The following EPPK1 variants were observed in gnomAD, a reference collection of about 807,000 sequenced individuals.
EPPK1 encodes the protein epiplakin 1, also known as epiplakin.
For synonymous variants in EPPK1, 1,862 were observed against 1,721.2 expected (o/e 1.08, Z -2.03); for missense variants, 3,823 against 3,673.3 (o/e 1.04, Z -1.05).
rs1819081120 is a variant in EPPK1, at chr8:143,865,357, C to CG, written c.7896dup (p.Ala2633ArgfsTer10). 2 of 8,998 alleles carry CG rather than the reference C, an allele frequency of 2.2e-4. No homozygotes were observed. Among genetic ancestry groups the CG allele is most frequent in the Non-Finnish European group, 3.2e-4 (2 of 6,328 alleles). The allele number at this position is 8,998 out of a possible 1,614,324, so 0.6% of individuals were successfully genotyped here. ...CGCAGGGTCTGCTCCTGGCGGCGGGCGGCGGCGGCGGCGGCGGCGGCGGCG... is the reference window on the plus strand; with the variant it reads ...CGCAGGGTCTGCTCCTGGCGGCGGGCGGGCGGCGGCGGCGGCGGCGGCGGCG... On this transcript the variant is annotated frameshift_variant, in exon 2 of 2. Transcript: ENST00000615648. LOFTEE classifies it low-confidence loss of function (END_TRUNC).
rs1554659311 is a variant in EPPK1 at position 143,867,092 on chromosome 8, A to T, written c.6162T>A (p.Phe2054Leu). Residue 2054 changes from phenylalanine to leucine, a missense_variant, in exon 2 of 2, where the codon TTT becomes TTA. Physicochemically the swap from Phe to Leu is conservative, Grantham distance 22 (BLOSUM62 0). Coordinates refer to ENST00000615648, the MANE Select transcript of EPPK1 (RefSeq NM_031308.4). Reference sequence around the variant, plus strand: ...CCTTCTCTTGCGTGTTCGGGTCCACAAACCGTTTCCTCATGTGCTTCTGGT... The same window carrying T: ...CCTTCTCTTGCGTGTTCGGGTCCACTAACCGTTTCCTCATGTGCTTCTGGT... ...ISDQKHMRKR[F>L]VDPNTQEKVS... 3 of 1,612,886 alleles carry T rather than the reference A, an allele frequency of 1.9e-6. No individual in the cohort carries two copies. Among genetic ancestry groups the T allele is most frequent in the Admixed American group, 1.7e-5 (1 of 60,020 alleles).
At position 143,865,425 on chromosome 8, in the gene EPPK1, C is replaced by T. The variant is rs1296337559; in HGVS notation, c.7829G>A (p.Arg2610His). The T allele has an allele frequency of 3.2e-5, 8 of 253,004 alleles. No individual in the cohort carries two copies. The highest frequency in any genetic ancestry group is 2.9e-4 in the South Asian group (2 of 6,918). 15.7% of individuals were successfully genotyped at this position (253,004 alleles called of 1,614,324 possible). A position where few individuals can be genotyped will look rare whatever the true frequency, so the allele number is the denominator to read the frequency against. Residue 2610 changes from arginine (R) to histidine (H), a missense_variant, in exon 2 of 2, where the codon CGC (arginine) becomes CAC (histidine). Physicochemically the swap from Arg to His is conservative, Grantham distance 29. Transcript: ENST00000615648. Reference sequence around the variant, plus strand: ...CTCCCCCTGGCCCTCTCGCTGGGAGCGCCCCGAGTCGCCGTCCCCTCGCCC... The same window carrying T: ...CTCCCCCTGGCCCTCTCGCTGGGAGTGCCCCGAGTCGCCGTCCCCTCGCCC... ...PAGRGDGDSGRSQREGQGEGE... is the reference protein window; with the variant it reads ...PAGRGDGDSGHSQREGQGEGE...
intron 1 of EPPK1, among the ~76,000 whole-genome samples, chr8:143,878,035 C>T (rs1021193804): frequency 6.6e-6 from 1 of 152,144 alleles, no homozygotes; most frequent in African/African-American, 2.4e-5. Context: ...GCCTAGCTGC[C>T]TCCTGGCCTG....
rs1168510808 is a variant in EPPK1 at position 143,863,770 on chromosome 8, C to T, written c.9484G>A (p.Ala3162Thr). ...GTCTGCTCCTGGCGGCGGGCGGCGG[C>T]GGCGGCCTCCTGGGTCTCGCCCTCC... ...QGEGETQEAA[A>T]AARRQEQTLR... is the part of the protein sequence containing the mutation. The change falls in exon 2 of 2, where the codon GCC becomes ACC. Residue 3162 changes from alanine (A) to threonine (T), a missense_variant. By Grantham distance (58) the Ala-to-Thr change is moderately conservative. Coordinates refer to ENST00000615648, the MANE Select transcript of EPPK1 (RefSeq NM_031308.4). The T allele has an allele frequency of 2.2e-5, 6 of 272,562 alleles. 2 individuals are homozygous for T. Among genetic ancestry groups the T allele is most frequent in the East Asian group, 4.3e-5 (1 of 23,156 alleles). 16.9% of individuals were successfully genotyped at this position (272,562 alleles called of 1,614,324 possible).
Position 143,867,300 on chromosome 8 carries a change from T to C in EPPK1, c.5954A>G (p.Asp1985Gly). Residue 1985 changes from aspartate to glycine, a missense_variant, in exon 2 of 2, where the codon GAC becomes GGC. Coordinates refer to ENST00000615648, the MANE Select transcript of EPPK1 (RefSeq NM_031308.4). ...ATGYRDPATG[D>G]TIPLFQAMQK... Reference sequence around the variant, plus strand: ...CATGGCCTGGAACAGCGGGATCGTGTCTCCTGTGGCCGGATCCCTGTAGCC... The same window carrying C: ...CATGGCCTGGAACAGCGGGATCGTGCCTCCTGTGGCCGGATCCCTGTAGCC... 1 of 1,612,476 alleles carries C rather than the reference T, an allele frequency of 6.2e-7. No homozygotes were observed. The highest frequency in any genetic ancestry group is 8.5e-7 in the Non-Finnish European group (1 of 1,179,686).
rs192221639 is a variant in EPPK1, at chr8:143,873,389, C to T, written c.-45-91G>A. The T allele has an allele frequency of 3.3e-5, 31 of 947,934 alleles. No individual in the cohort carries two copies. In the East Asian group the frequency reaches 8.3e-4, roughly 25 times the overall value. The allele number at this position is 947,934 out of a possible 1,614,324, so 58.7% of individuals were successfully genotyped here. A position where few individuals can be genotyped will look rare whatever the true frequency, so the allele number is the denominator to read the frequency against. ...GTCATGGGGCAATCCCATGCTGTCC[C>T]GGGCTGGGCTCCACCCACAGACGTG... is the stretch of plus-strand genomic sequence containing the variant. On this transcript the variant is annotated intron_variant, in intron 1 of 1. Transcript: ENST00000615648.
At chr8:143,875,829 G>C (rs1819466874) in intron 1 of EPPK1, among the ~76,000 whole-genome samples, 1 of 152,202 alleles carries the variant, frequency 6.6e-6, no homozygotes, top group African/African-American at 2.4e-5. Flanking sequence ...TTGCAGGCTA[G>C]GGCACCATTC....
chr8:143,872,124 A>G lies in EPPK1; in HGVS notation c.1130T>C (p.Leu377Pro). The G allele has an allele frequency of 6.4e-7, 1 of 1,565,780 alleles. No individual in the cohort carries two copies. Reference sequence around the variant, plus strand: ...TAGCCCCTTCTTCATGGCCTGGAAAAGGGGGATTTGGGAGCCACTGAAGGG... The same window carrying G: ...TAGCCCCTTCTTCATGGCCTGGAAAGGGGGGATTTGGGAGCCACTGAAGGG... ...HDPFSGSQIPLFQAMKKGLVD... is the reference protein window; with the variant it reads ...HDPFSGSQIPPFQAMKKGLVD... The change falls in exon 2 of 2, where the codon CTT (leucine) becomes CCT (proline). Residue 377 changes from leucine to proline, a missense_variant. Physicochemically the swap from Leu to Pro is moderately conservative, Grantham distance 98. Coordinates refer to ENST00000615648, the MANE Select transcript of EPPK1 (RefSeq NM_031308.4).
In EPPK1 at chr8:143,857,916, A is replaced by C. The variant is rs1027726876; in HGVS notation, c.*71T>G. The C allele has an allele frequency of 1.8e-4, 148 of 821,408 alleles. No homozygotes were observed. The highest frequency in any genetic ancestry group is 1.5e-4 in the Admixed American group (4 of 26,940). The allele number at this position is 821,408 out of a possible 1,614,324, so 50.9% of individuals were successfully genotyped here. On this transcript the variant is annotated 3_prime_UTR_variant, in exon 2 of 2. Coordinates refer to ENST00000615648, the MANE Select transcript of EPPK1 (RefSeq NM_031308.4). ...AATGACAAAAAAAAAAAAAAAAAAA[A>C]AAACAACCCAGACACACAAGTATGC...
At chr8:143,876,627 T>C (rs1297198438) in intron 1 of EPPK1, among the ~76,000 whole-genome samples, 1 of 152,244 alleles carries the variant, frequency 6.6e-6, no homozygotes, top group Admixed American at 6.5e-5. Flanking sequence ...GGCGCTTTTG[T>C]GTCCACCTCT....
Position 143,871,972 on chromosome 8 carries a change from T to A in EPPK1, c.1282A>T (p.Thr428Ser). 1 of 1,596,348 alleles carries A rather than the reference T, an allele frequency of 6.3e-7. No individual in the cohort carries two copies. ...CCAGCCTGCGAGAGCTGCCGCTGAG[T>A]GTCTTCATCCAGGCAGCCGCAGCGC... ...ALRCGCLDED[T>S]QRQLSQAGSF... Residue 428 changes from threonine to serine, a missense_variant, in exon 2 of 2, where the codon ACT becomes TCT. By Grantham distance (58) the Thr-to-Ser change is moderately conservative. Coordinates refer to ENST00000615648, the MANE Select transcript of EPPK1 (RefSeq NM_031308.4).
rs782239845 is a variant in EPPK1 at position 143,870,644 on chromosome 8, C to A, written c.2610G>T (p.Ala870=). The A allele has an allele frequency of 3.1e-6, 5 of 1,606,466 alleles. No homozygotes were observed. Among genetic ancestry groups the A allele is most frequent in the Non-Finnish European group, 4.2e-6 (5 of 1,177,376 alleles). Residue 870 remains alanine, a synonymous_variant, in exon 2 of 2, where the codon GCG becomes GCT. Transcript: ENST00000615648. The surrounding 1 kb of genome is among the most constrained non-coding windows in gnomAD (Gnocchi z 5.2). ...TLGQVAKLLE[A]ETQRQADIML... ...TGATGTCCGCCTGTCTCTGCGTCTC[C>A]GCCTCCAGCAGCTTTGCCACCTGCC... is the stretch of plus-strand genomic sequence containing the variant.
intron 1 of EPPK1, among the ~76,000 whole-genome samples, chr8:143,875,703 G>A (rs1226313563): frequency 1.3e-5 from 2 of 152,264 alleles, no homozygotes; most frequent in African/African-American, 4.8e-5. Context: ...TGGTGCAATG[G>A]GCCACGGGCC....
intron 1 of EPPK1, 57 bp from the exon 2 acceptor site, chr8:143,873,355 G>C (rs1819420002): frequency 1.6e-6 from 2 of 1,281,774 alleles, no homozygotes; most frequent in Non-Finnish European, 2.1e-6. Context: ...GGGCACGAGG[G>C]AAGATGCGGT....
In EPPK1 at chr8:143,866,852, C is replaced by T. The variant is rs781926085; in HGVS notation, c.6402G>A (p.Glu2134=). ...ACATCCTCACCAGCTGGAGCTTCTT[C>T]TCCTCTGTCACGTATTCGGAATTCA... ...ALLNSEYVTE[E]KKLQLVRMYR... The change falls in exon 2 of 2, where the codon GAG becomes GAA. Residue 2134 remains glutamate, a synonymous_variant. Transcript: ENST00000615648. 8.7e-6 allele frequency: 14 copies of T among 1,613,258 alleles called. No individual in the cohort carries two copies. The African/African-American group carries it at 1.2e-4, about 14-fold the overall frequency.
Position 143,873,159 on chromosome 8 carries a change from G to A in EPPK1, c.95C>T (p.Ala32Val). The change falls in exon 2 of 2, where the codon GCC becomes GTC. Residue 32 changes from alanine to valine, a missense_variant. Physicochemically the swap from Ala to Val is moderately conservative, Grantham distance 64. Transcript: ENST00000615648. ...GGCCTGGGGCCTGGGGGGCGTGCCG[G>A]CTCCCAGCGTGGCTGCCATGGCTCT... ...VPRAMAATLGAGTPPRPQARS... is the reference protein window; with the variant it reads ...VPRAMAATLGVGTPPRPQARS... The A allele has an allele frequency of 6.3e-7, 1 of 1,591,776 alleles. No homozygotes were observed. Among genetic ancestry groups the A allele is most frequent in the Non-Finnish European group, 8.5e-7 (1 of 1,171,632 alleles).
Position 143,867,645 on chromosome 8 carries a change from A to G in EPPK1, c.5609T>C (p.Leu1870Pro), listed in dbSNP as rs1554659551. The change falls in exon 2 of 2, where the codon CTG (leucine) becomes CCG (proline). Residue 1870 changes from leucine to proline, a missense_variant. Transcript: ENST00000615648. ...FNSRVIDQKT[L>P]HTLRVGRTGG... is the part of the protein sequence containing the mutation. ...AGTCCTCCCCACACGAAGTGTGTGCAGGGTCTTCTGATCGATGACCCTGGA... is the reference window on the plus strand; with the variant it reads ...AGTCCTCCCCACACGAAGTGTGTGCGGGGTCTTCTGATCGATGACCCTGGA... 1.9e-6 allele frequency: 3 copies of G among 1,613,398 alleles called. No homozygotes were observed. Among genetic ancestry groups the G allele is most frequent in the South Asian group, 2.2e-5 (2 of 91,084 alleles).
Position 143,866,793 on chromosome 8 carries a change from AC to A in EPPK1, c.6460del (p.Val2154Ter), listed in dbSNP as rs1819128972. On this transcript the variant is annotated frameshift_variant, in exon 2 of 2. Coordinates refer to ENST00000615648, the MANE Select transcript of EPPK1 (RefSeq NM_031308.4). LOFTEE classifies it low-confidence loss of function (END_TRUNC). The part of the protein sequence containing the change: ...RTHTRRALQT[V>X]AQLILELIEK... ...GATCAACTCTAAGATGAGCTGCGCT[AC>A]CGTCTGCAGTGCCCGTCTGGTGTGT... The A allele has an allele frequency of 6.2e-7, 1 of 1,613,316 alleles. No homozygotes were observed. Among genetic ancestry groups the A allele is most frequent in the Admixed American group, 1.7e-5 (1 of 60,002 alleles).
In EPPK1 at chr8:143,871,859, G is replaced by A. The variant is rs1819362523; in HGVS notation, c.1395C>T (p.Phe465=). The A allele has an allele frequency of 6.2e-7, 1 of 1,611,530 alleles. No homozygotes were observed. Among genetic ancestry groups the A allele is most frequent in the Non-Finnish European group, 8.5e-7 (1 of 1,179,804 alleles). Reference sequence around the variant, plus strand: ...CCCGGGGTCCCCCTGAGAGTGGCAGGAAGGCAAGCCCGGTCTCTGGGTCGG... The same window carrying A: ...CCCGGGGTCCCCCTGAGAGTGGCAGAAAGGCAAGCCCGGTCTCTGGGTCGG... ...CVTDPETGLA[F]LPLSGGPRGG... The change falls in exon 2 of 2, where the codon TTC becomes TTT. Residue 465 remains phenylalanine (F), a synonymous_variant. Coordinates refer to ENST00000615648, the MANE Select transcript of EPPK1 (RefSeq NM_031308.4).
Sources: allele counts gnomAD v4.1 joint callset (sites outside exome capture counted in the v4.1 genomes callset), GRCh38; gene constraint gnomAD v4.1.1; non-coding constraint Gnocchi (gnomAD v3.1); transcripts MANE v1.5; gene names NCBI Gene and HGNC (gene_info 2026-07-23, HGNC 2026-07-21).